Variants in PRKAG3 observed in about 807,000 individuals in gnomAD.
PRKAG3 encodes the protein protein kinase AMP-activated non-catalytic subunit gamma 3, also known as 5'-AMP-activated protein kinase subunit gamma-3.
A neutral mutation model predicts 56.5 loss-of-function variants in PRKAG3; 39 were observed. The ratio of observed to expected loss-of-function variants is 0.69; its 90% confidence interval spans 0.53 to 0.90. The LOEUF (loss-of-function observed/expected upper bound fraction) is 0.90. Among genes scored for constraint, PRKAG3 ranks in the 40% least tolerant of loss-of-function variants. The pLI is 0.00. For synonymous variants in PRKAG3, 243 were observed against 250.1 expected (o/e 0.97, Z 0.27); for missense variants, 628 against 627.5 (o/e 1.00, Z -0.01).
chr2:218,831,755 C>G (rs760093784), exon 1 of PRKAG3: 22 of 1,610,562 alleles, frequency 1.4e-5, no homozygotes, highest in Non-Finnish European at 1.8e-5. Flanking sequence ...AGTGCGTGCT[C>G]CAGCCCGGGC....
chr2:218,828,661 C>CCCCTCCCTGTCTGCCTGCTGT, intron 4 of PRKAG3, 61 bp from the exon 5 acceptor site: 1 of 1,421,574 alleles, frequency 7.0e-7, no homozygotes, highest in South Asian at 1.3e-5. Context: ...CCCCTCTCTG[C>CCCCTCCCTGTCTGCCTGCTGT]CCCTCAGTGC....
In PRKAG3 at chr2:218,827,219, C is replaced by G. The variant is rs754478772; in HGVS notation, c.1002+28G>C. On this transcript the variant is annotated intron_variant, in intron 9 of 12. Transcript: ENST00000529249. This position sits in a 1 kb window ranked among gnomAD's most constrained non-coding sequence, Gnocchi z 5.3. ...CTCTGATCACCTGCCCAGGTCTCCC[C>G]CTTCCTCCCACCTGGGCCCAGGCTT... 1.9e-6 allele frequency: 3 copies of G among 1,614,080 alleles called. No individual in the cohort carries two copies. The East Asian group carries it at 6.7e-5, about 36-fold the overall frequency.
chr2:218,831,311 C>T (rs1292954597), intron 2 of PRKAG3, 25 bp downstream of exon 2: 8 of 1,567,568 alleles, frequency 5.1e-6, no homozygotes, highest in Non-Finnish European at 6.1e-6. Flanking sequence ...GAGGTTAGGC[C>T]CCAGGGAGGG....
chr2:218,823,757 T>C (rs1184425888), exon 13 of PRKAG3: 1 of 1,613,912 alleles, frequency 6.2e-7, no homozygotes, highest in East Asian at 2.2e-5. Flanking sequence ...AGGACTCAGA[T>C]CTTCTCAGGC....
chr2:218,828,701 C>T, intron 4 of PRKAG3, 101 bp from the exon 5 acceptor site: 1 of 1,013,814 alleles, frequency 9.9e-7, no homozygotes, highest in Non-Finnish European at 1.4e-6. Context: ...TGTCCCCTCC[C>T]TGTCCCACCC....
chr2:218,828,919 GA>G (rs1276483435), intron 4 of PRKAG3, among the ~76,000 whole-genome samples: 2 of 152,216 alleles, frequency 1.3e-5, no homozygotes, highest in African/African-American at 2.4e-5. Context: ...TGTGTGTACA[GA>G]CACAGTCTAG....
intron 11 of PRKAG3, 37 bp from the exon 12 acceptor site, chr2:218,824,405 C>A (rs756138576): frequency 5.0e-6 from 8 of 1,614,038 alleles, no homozygotes; most frequent in Middle Eastern, 1.6e-4. Context: ...CTAGTCACCC[C>A]CTTGCCTGGG....
rs776458320 is a variant in PRKAG3, at chr2:218,824,168, A to C, written c.1353+54T>G. The C allele has an allele frequency of 6.7e-5, 108 of 1,613,552 alleles. 1 individual carries two copies. Among genetic ancestry groups the C allele is most frequent in the Admixed American group, 1.0e-4 (6 of 59,990 alleles). ...TGTTCAGGGATGGCTGGAGCCGTGCATGAGAAGGACTGGGCTATATGTGTT... is the reference window on the plus strand; with the variant it reads ...TGTTCAGGGATGGCTGGAGCCGTGCCTGAGAAGGACTGGGCTATATGTGTT... On this transcript the variant is annotated intron_variant, in intron 12 of 12. Coordinates refer to ENST00000529249, the Ensembl canonical transcript of PRKAG3.
Position 218,827,111 on chromosome 2 carries a change from C to T in PRKAG3, c.1003-18G>A. 1 of 1,612,910 alleles carries T rather than the reference C, an allele frequency of 6.2e-7. No homozygotes were observed. Among genetic ancestry groups the T allele is most frequent in the Non-Finnish European group, 8.5e-7 (1 of 1,180,016 alleles). The stretch of plus-strand genomic sequence containing the variant: ...AGGGAACCCTGGTTAGGATGGGGAC[C>T]AGGTGGAGATCAGGGATCCAGCAGC... On this transcript the variant is annotated intron_variant, in intron 9 of 12. Transcript: ENST00000529249. The surrounding 1 kb of genome is among the most constrained non-coding windows in gnomAD (Gnocchi z 5.3).
chr2:218,827,203 C>A lies in PRKAG3; in HGVS notation c.1002+44G>T, dbSNP rs1472312350. Reference sequence around the variant, plus strand: ...GAAGACTCCTCAGGCCCTCTGATCACCTGCCCAGGTCTCCCCCTTCCTCCC... The same window carrying A: ...GAAGACTCCTCAGGCCCTCTGATCAACTGCCCAGGTCTCCCCCTTCCTCCC... On this transcript the variant is annotated intron_variant, in intron 9 of 12. Coordinates refer to ENST00000529249, the Ensembl canonical transcript of PRKAG3. This position sits in a 1 kb window ranked among gnomAD's most constrained non-coding sequence, Gnocchi z 5.3. The A allele has an allele frequency of 6.2e-7, 1 of 1,613,968 alleles. No individual in the cohort carries two copies.
chr2:218,828,991 CT>C (rs1043274469), intron 4 of PRKAG3, among the ~76,000 whole-genome samples: 39 of 152,162 alleles, frequency 2.6e-4, no homozygotes, highest in Non-Finnish European at 5.1e-4. Context: ...TATTTACATA[CT>C]TTTTTTGTAG....
chr2:218,829,991 T>A, exon 4 of PRKAG3: 1 of 1,613,474 alleles, frequency 6.2e-7, no homozygotes, highest in Non-Finnish European at 8.5e-7. Flanking sequence ...CAGCATGGTG[T>A]CGAAGATGAC....
downstream of PRKAG3, chr2:218,822,712 T>C (rs1285760578): frequency 4.7e-6 from 1 of 212,268 alleles, no homozygotes; most frequent in Non-Finnish European, 8.1e-6. Flanking sequence ...GCCCCTGAAA[T>C]GCAGCATTTC....
chr2:218,823,953 CA>C (rs1943890727), intron 12 of PRKAG3, 75 bp from the exon 13 acceptor site: 2 of 1,437,262 alleles, frequency 1.4e-6, no homozygotes, highest in South Asian at 2.3e-5. Context: ...TGCCAAGAAT[CA>C]GGGGAAACAA....
At chr2:218,830,178 A>G (rs766639585) in exon 4 of PRKAG3, 37 of 1,614,166 alleles carry the variant, frequency 2.3e-5, no homozygotes, top group Non-Finnish European at 3.1e-5. Context: ...TCACACTCCC[A>G]GGCCTCTGTG....
chr2:218,829,325 CTTT>C (rs200071537), intron 4 of PRKAG3, among the ~76,000 whole-genome samples: 1 of 143,104 alleles, frequency 7.0e-6, no homozygotes, highest in African/African-American at 2.6e-5. Context: ...TCTGTGATGC[CTTT>C]TTTTTTTTTT....
rs747168458 is a variant in PRKAG3 at position 218,827,079 on chromosome 2, G to A, written c.1017C>T (p.Pro339=). Residue 339 remains proline, a synonymous_variant, in exon 10 of 13, where the codon CCC becomes CCT. Transcript: ENST00000529249. This position sits in a 1 kb window ranked among gnomAD's most constrained non-coding sequence, Gnocchi z 5.3. ...TAGTGCGGTAGAGGAAGGAGGGCCGGGGCAGCAGGGAACCCTGGTTAGGAT... is the reference window on the plus strand; with the variant it reads ...TAGTGCGGTAGAGGAAGGAGGGCCGAGGCAGCAGGGAACCCTGGTTAGGAT... 465 of 1,613,182 alleles carry A rather than the reference G, an allele frequency of 2.9e-4. No individual in the cohort carries two copies. The highest frequency in any genetic ancestry group is 3.5e-4 in the Non-Finnish European group (413 of 1,180,034).
intron 2 of PRKAG3, 53 bp downstream of exon 2, chr2:218,831,283 G>A: frequency 7.2e-7 from 1 of 1,394,818 alleles, no homozygotes; most frequent in Non-Finnish European, 9.8e-7. Flanking sequence ...AAAAGTGGGG[G>A]ACAAGGAGGT....
chr2:218,825,953 G>T (rs951297471), intron 10 of PRKAG3, among the ~76,000 whole-genome samples: 1 of 151,882 alleles, frequency 6.6e-6, no homozygotes, highest in Non-Finnish European at 1.5e-5. Context: ...TAGAGATGGG[G>T]TTTCATCATA....
Sources: allele counts gnomAD v4.1 joint callset (sites outside exome capture counted in the v4.1 genomes callset), GRCh38; gene constraint gnomAD v4.1.1; non-coding constraint Gnocchi (gnomAD v3.1); transcripts MANE v1.5; gene names NCBI Gene and HGNC (gene_info 2026-07-23, HGNC 2026-07-21).